Variants in PTPN9 observed in about 807,000 individuals in gnomAD.
PTPN9 encodes the protein tyrosine-protein phosphatase non-receptor type 9.
Under a neutral mutation model 69.8 loss-of-function variants are expected in PTPN9, and 26 were observed. The ratio of observed to expected loss-of-function variants is 0.37; its 90% CI spans 0.27 to 0.52. PTPN9 has a LOEUF of 0.52. PTPN9 is among the 20% of genes least tolerant of loss of function. PTPN9 has a pLI of 0.91. For synonymous variants in PTPN9, 274 were observed against 272.5 expected (o/e 1.01, Z -0.05); for missense variants, 549 against 740.3 (o/e 0.74, Z 3.00).
At chr15:75,554,485 C>A (rs936908015) in intron 1 of PTPN9, among the ~76,000 whole-genome samples, 3 of 151,938 alleles carry the variant, frequency 2.0e-5, no homozygotes, top group Admixed American at 2.0e-4. Context: ...TGAGCCACCA[C>A]GCCTGGCCTT....
In PTPN9 at chr15:75,481,227, C is replaced by CTG. The variant is rs1257052602; in HGVS notation, c.1063-1315_1063-1314dup. On this transcript the variant is annotated intron_variant, in intron 8 of 12. Coordinates refer to ENST00000618819, the MANE Select transcript of PTPN9 (RefSeq NM_002833.4). Reference sequence around the variant, plus strand: ...CCCGTCTGAGAAGTGAGGAGACCCTCTGCCTGGCAACCACCCCGTCTGAGA... The same window carrying CTG: ...CCCGTCTGAGAAGTGAGGAGACCCTCTGTGCCTGGCAACCACCCCGTCTGAGA... Among the ~76,000 whole-genome samples, 4 of 86,902 alleles carry CTG rather than the reference C, an allele frequency of 4.6e-5. No homozygotes were observed. In the East Asian group the frequency reaches 1.4e-3, roughly 29 times the overall value. The allele number at this position is 86,902 out of a possible 152,430, so 57.0% of individuals were successfully genotyped here. A position where few individuals can be genotyped will look rare whatever the true frequency, so the allele number is the denominator to read the frequency against.
intron 7 of PTPN9, among the ~76,000 whole-genome samples, chr15:75,503,731 G>A (rs2074791274): frequency 8.0e-6 from 1 of 125,350 alleles, no homozygotes; most frequent in African/African-American, 3.0e-5. Flanking sequence ...GGGGGAGTCA[G>A]CCCCCAACCC....
chr15:75,559,837 T>C (rs1234226801), intron 1 of PTPN9, among the ~76,000 whole-genome samples: 1 of 151,864 alleles, frequency 6.6e-6, no homozygotes, highest in African/African-American at 2.4e-5. Flanking sequence ...ATGAATATTT[T>C]TTTCTTTTTA....
chr15:75,478,419 T>A (rs2074609221), intron 9 of PTPN9, among the ~76,000 whole-genome samples: 1 of 152,180 alleles, frequency 6.6e-6, no homozygotes, highest in Non-Finnish European at 1.5e-5. Flanking sequence ...AATTTATTTA[T>A]TTTTGAGACA....
intron 7 of PTPN9, among the ~76,000 whole-genome samples, chr15:75,496,745 G>A (rs1016141401): frequency 6.6e-6 from 1 of 151,912 alleles, no homozygotes; most frequent in African/African-American, 2.4e-5. Flanking sequence ...AGGCTCAAAC[G>A]ATCTACCCAC....
chr15:75,513,077 G>A (rs1200052643), intron 5 of PTPN9: 4 of 373,594 alleles, frequency 1.1e-5, no homozygotes, highest in Admixed American at 7.2e-5. Context: ...CAGGCTATTC[G>A]CTGCTGACCA....
At chr15:75,502,739 G>A (rs1354324564) in intron 7 of PTPN9, among the ~76,000 whole-genome samples, 1 of 152,092 alleles carries the variant, frequency 6.6e-6, no homozygotes, top group Non-Finnish European at 1.5e-5. Context: ...TACCATAAAT[G>A]TTATGGGGAG....
Position 75,503,914 on chromosome 15 carries a change from C to A in PTPN9, c.968+1761G>T, listed in dbSNP as rs1439084656. On this transcript the variant is annotated intron_variant, in intron 7 of 12. Coordinates refer to ENST00000618819, the MANE Select transcript of PTPN9 (RefSeq NM_002833.4). ...CGTCCGGGAGGGAGGTGGGGTCAGCCCCCCGCCCGGCCAGCCGCCCCGTCC... is the reference window on the plus strand; with the variant it reads ...CGTCCGGGAGGGAGGTGGGGTCAGCACCCCGCCCGGCCAGCCGCCCCGTCC... 1.6e-3 allele frequency among the ~76,000 whole-genome samples: 181 copies of A among 110,372 alleles called. 2 individuals carry two copies. Among genetic ancestry groups the A allele is most frequent in the African/African-American group, 5.9e-3 (165 of 28,096 alleles). 72.4% of individuals were successfully genotyped at this position (110,372 alleles called of 152,430 possible). A position where few individuals can be genotyped will look rare whatever the true frequency, so the allele number is the denominator to read the frequency against.
At chr15:75,473,532 C>T (rs760157299) in intron 10 of PTPN9, among the ~76,000 whole-genome samples, 157 bp downstream of exon 10, 6 of 152,154 alleles carry the variant, frequency 3.9e-5, no homozygotes, top group African/African-American at 1.4e-4. Context: ...CCTTGTGATC[C>T]GCCTGCCTTG....
At chr15:75,504,157 C>A (rs1203868000) in intron 7 of PTPN9, among the ~76,000 whole-genome samples, 9 of 119,680 alleles carry the variant, frequency 7.5e-5, no homozygotes, top group South Asian at 5.6e-4. Context: ...CGGACAGCCG[C>A]CCCGTCCGGG....
In PTPN9 at chr15:75,468,759, C is replaced by G. The variant is rs1378969954; in HGVS notation, c.*10G>C. 1 of 1,611,578 alleles carries G rather than the reference C, an allele frequency of 6.2e-7. No homozygotes were observed. Among genetic ancestry groups the G allele is most frequent in the African/African-American group, 1.3e-5 (1 of 75,004 alleles). On this transcript the variant is annotated 3_prime_UTR_variant, in exon 13 of 13. Transcript: ENST00000618819. ...AAGGCTGGCCAACAGGTAGGAGGTT[C>G]GTAGGAGAGTTACTGACTCTCCACG... is the stretch of plus-strand genomic sequence containing the variant.
intron 7 of PTPN9, among the ~76,000 whole-genome samples, chr15:75,503,964 A>G (rs1357558402): frequency 4.0e-5 from 4 of 101,136 alleles, no homozygotes; most frequent in Non-Finnish European, 5.9e-5. Context: ...GCCTCTGCCC[A>G]GCCGCCCCTA....
chr15:75,577,631 A>T (rs374892045), intron 1 of PTPN9, among the ~76,000 whole-genome samples: 1 of 152,256 alleles, frequency 6.6e-6, no homozygotes, highest in Non-Finnish European at 1.5e-5. Flanking sequence ...CAAGCCCATT[A>T]GCCAATAATA....
intron 1 of PTPN9, among the ~76,000 whole-genome samples, chr15:75,568,717 G>C (rs1344104987): frequency 6.6e-6 from 1 of 151,528 alleles, no homozygotes; most frequent in African/African-American, 2.4e-5. Flanking sequence ...CATGCTTGTA[G>C]TTCCAGCCAC....
chr15:75,512,914 A>T (rs1036470539), intron 5 of PTPN9: 1 of 368,786 alleles, frequency 2.7e-6, no homozygotes, highest in South Asian at 2.4e-5. Context: ...GTTCTTATAG[A>T]TACATCTGTA....
intron 1 of PTPN9, among the ~76,000 whole-genome samples, chr15:75,542,930 T>G (rs1164686779): frequency 1.3e-5 from 2 of 151,352 alleles, no homozygotes; most frequent in East Asian, 3.9e-4. Context: ...ACATGTGCCA[T>G]GTTGATGTGC....
chr15:75,543,787 C>T lies in PTPN9; in HGVS notation c.64-16526G>A, dbSNP rs548955583. On this transcript the variant is annotated intron_variant, in intron 1 of 12. Coordinates refer to ENST00000618819, the MANE Select transcript of PTPN9 (RefSeq NM_002833.4). Reference sequence around the variant, plus strand: ...TTATATAGCCTTTAACTAAAATATACATAACAGGAATTTTTGAACATAATA... The same window carrying T: ...TTATATAGCCTTTAACTAAAATATATATAACAGGAATTTTTGAACATAATA... Among the ~76,000 whole-genome samples the T allele has an allele frequency of 2.1e-3, 325 of 152,126 alleles. 2 individuals carry two copies. The highest frequency in any genetic ancestry group is 7.3e-3 in the African/African-American group (303 of 41,510).
At position 75,531,025 on chromosome 15, in the gene PTPN9, C is replaced by T. The variant is rs558993496; in HGVS notation, c.64-3764G>A. Among the ~76,000 whole-genome samples the T allele has an allele frequency of 2.1e-5, 3 of 145,364 alleles. No homozygotes were observed. In the South Asian group the frequency reaches 6.4e-4, roughly 31 times the overall value. ...CTACTTCGGAGTCTTGGCAACAAGT[C>T]CTACCTTACAAATACAATTCAAATT... On this transcript the variant is annotated intron_variant, in intron 1 of 12. Transcript: ENST00000618819.
At chr15:75,500,592 A>C (rs1467732973) in intron 7 of PTPN9, among the ~76,000 whole-genome samples, 2 of 152,124 alleles carry the variant, frequency 1.3e-5, no homozygotes, top group Non-Finnish European at 2.9e-5. Context: ...AAGAGATTGG[A>C]TATAAACAGG....
Sources: gnomAD v4.1 joint callset for allele counts (sites outside exome capture counted in the v4.1 genomes callset) on GRCh38, gnomAD v4.1.1 for gene constraint, MANE v1.5 for transcripts, NCBI Gene and HGNC (gene_info 2026-07-23, HGNC 2026-07-21) for gene names.